EPG5: variants seen among roughly 807,000 people sequenced by gnomAD.
EPG5 encodes the protein ectopic P-granules 5 autophagy tethering factor.
A neutral mutation model predicts 302.7 loss-of-function variants in EPG5; 159 were observed. The observed-to-expected ratio is 0.53, with a 90% CI of 0.46 to 0.60. The LOEUF (loss-of-function observed/expected upper bound fraction) is 0.60, where lower values mean the gene tolerates loss of function less well. EPG5 is among the 20% of genes least tolerant of loss of function. The pLI, the probability that EPG5 is intolerant of heterozygous loss-of-function variation, is 0.00. For missense variants in EPG5, 2,896 were observed against 3,092.4 expected (o/e 0.94, Z 1.51); for synonymous variants, 1,158 against 1,136.8 (o/e 1.02, Z -0.37).
intron 14 of EPG5, among the ~76,000 whole-genome samples, chr18:45,924,923 G>A (rs1273624184): frequency 6.6e-6 from 1 of 152,140 alleles, no homozygotes; most frequent in African/African-American, 2.4e-5. Context: ...AGGTATACTC[G>A]TTAATATGAA....
At chr18:45,862,359 T>C (rs1396551115) in intron 39 of EPG5, among the ~76,000 whole-genome samples, 1 of 152,202 alleles carries the variant, frequency 6.6e-6, no homozygotes, top group Non-Finnish European at 1.5e-5. Context: ...CTTATCTTTT[T>C]AATTTTCACC....
In EPG5 at chr18:45,944,394, T is replaced by C. The variant is rs1309413915; in HGVS notation, c.1678-275A>G. ...CATTAAATGTCCATCCCAAAGAAAA[T>C]AGAAAAAAAGAAATCCTCTAGAGTG... On this transcript the variant is annotated intron_variant, in intron 7 of 43. Transcript: ENST00000282041. Among the ~76,000 whole-genome samples, 5 of 151,656 alleles carry C rather than the reference T, an allele frequency of 3.3e-5. No homozygotes were observed. In the South Asian group the frequency reaches 8.3e-4, roughly 25 times the overall value.
chr18:45,847,089 C>A (rs1016264628), downstream of EPG5, among the ~76,000 whole-genome samples: 3 of 152,178 alleles, frequency 2.0e-5, no homozygotes, highest in Non-Finnish European at 4.4e-5. Context: ...GGGAGACATA[C>A]CCCACTCCCA....
Position 45,907,959 on chromosome 18 carries a change from TG to T in EPG5, c.4327del (p.Gln1443ArgfsTer8). On this transcript the variant is annotated frameshift_variant and splice_region_variant, in exon 24 of 44. Transcript: ENST00000282041. LOFTEE classifies it high-confidence loss of function. ...AAAAAAGGAGGGCTATAATTTCACC[TG>T]CTGATTCTGCATCACTTTTGCTAGC... ...HRLAKVMQNQ[Q>X]DLWMEYLNME... 6.4e-7 allele frequency: 1 copy of T among 1,562,016 alleles called. No individual in the cohort carries two copies.
rs143545936 is a variant in EPG5 at position 45,955,899 on chromosome 18, A to G, written c.64-561T>C. ...AATTCTTCCATACAGGAAAATTCCA[A>G]TGAATAGAATTAACAGAAGGAATGA... On this transcript the variant is annotated intron_variant, in intron 1 of 43. Coordinates refer to ENST00000282041, the MANE Select transcript of EPG5 (RefSeq NM_020964.3). Among the ~76,000 whole-genome samples the G allele has an allele frequency of 2.1e-3, 322 of 152,354 alleles. 1 individual carries two copies. The highest frequency in any genetic ancestry group is 7.3e-3 in the African/African-American group (302 of 41,586).
intron 1 of EPG5, among the ~76,000 whole-genome samples, chr18:45,959,808 C>T (rs551748354): frequency 9.9e-5 from 15 of 151,858 alleles, no homozygotes; most frequent in Admixed American, 7.2e-4. Context: ...GGTGAAGCCC[C>T]ATCTTTACTA....
At chr18:45,836,978 G>T in the EPG5 span, 2 of 968,494 alleles carry the variant, frequency 2.1e-6, no homozygotes, top group South Asian at 1.3e-5. Context: ...CAACTTCTCT[G>T]AGCCTCAGTT....
the EPG5 span, among the ~76,000 whole-genome samples, chr18:45,833,149 A>G: frequency 2.6e-5 from 4 of 152,064 alleles, no homozygotes; most frequent in African/African-American, 4.8e-5. Flanking sequence ...GCATACAGGT[A>G]AAGGTAAAAA....
intron 23 of EPG5, among the ~76,000 whole-genome samples, chr18:45,910,301 C>G (rs1166605824): frequency 6.6e-6 from 1 of 152,202 alleles, no homozygotes; most frequent in Non-Finnish European, 1.5e-5. Context: ...GCTCAGACTA[C>G]AGGCACTCGA....
At chr18:45,815,742 A>G in the EPG5 span, among the ~76,000 whole-genome samples, 705 of 152,338 alleles carry the variant, frequency 4.6e-3, 7 homozygotes, top group African/African-American at 0.016. Flanking sequence ...ATTCAACACA[A>G]TTCACAACGA....
At chr18:45,864,984 T>C (rs1361061285) in intron 39 of EPG5, among the ~76,000 whole-genome samples, 3 of 152,188 alleles carry the variant, frequency 2.0e-5, no homozygotes, top group Non-Finnish European at 4.4e-5. Flanking sequence ...GGATTTCCTT[T>C]TAGGCTCCCA....
Position 45,948,549 on chromosome 18 carries a change from C to A in EPG5, c.1525G>T (p.Val509Phe), listed in dbSNP as rs764132273. The part of the protein sequence containing the change: ...QIKVLHNPSG[V>F]FHFMQSLALL... The stretch of plus-strand genomic sequence containing the variant: ...GCAAGGGATTGCATAAAATGAAAGA[C>A]CCCTGATGGGTTATGCAACACTTTG... Residue 509 changes from valine (V) to phenylalanine (F), a missense_variant, in exon 6 of 44, where the codon GTC becomes TTC. By Grantham distance (50) the Val-to-Phe change is conservative. Transcript: ENST00000282041. The A allele has an allele frequency of 1.9e-6, 3 of 1,613,924 alleles. No homozygotes were observed. In the South Asian group the frequency reaches 3.3e-5, roughly 18 times the overall value.
the EPG5 span, among the ~76,000 whole-genome samples, chr18:45,810,592 C>T: frequency 6.6e-6 from 1 of 152,130 alleles, no homozygotes; most frequent in Non-Finnish European, 1.5e-5. Flanking sequence ...GCTAGCCTGG[C>T]TAACATGGCA....
Position 45,922,224 on chromosome 18 carries a change from G to T in EPG5, c.3098+117C>A, listed in dbSNP as rs1075906. The T allele has an allele frequency of 0.52, 647,015 of 1,235,134 alleles. 173,499 individuals are homozygous for T. Among genetic ancestry groups the T allele is most frequent in the East Asian group, 0.56 (23,613 of 42,080 alleles). 76.5% of individuals were successfully genotyped at this position (1,235,134 alleles called of 1,614,324 possible). On this transcript the variant is annotated intron_variant, in intron 16 of 43. Coordinates refer to ENST00000282041, the MANE Select transcript of EPG5 (RefSeq NM_020964.3). Reference sequence around the variant, plus strand: ...AGCTGTTAATCAAGGATTATTATTTGGCCCAATTGCTCCGCAATAGGTTTG... The same window carrying T: ...AGCTGTTAATCAAGGATTATTATTTTGCCCAATTGCTCCGCAATAGGTTTG...
chr18:45,954,054 C>G, intron 2 of EPG5: 1 of 352,362 alleles, frequency 2.8e-6, no homozygotes, highest in Non-Finnish European at 4.0e-6. Context: ...TAGGATTCCT[C>G]ACACTAAAAT....
intron 29 of EPG5, among the ~76,000 whole-genome samples, chr18:45,886,510 C>A (rs1308204638): frequency 6.6e-6 from 1 of 152,176 alleles, no homozygotes; most frequent in Non-Finnish European, 1.5e-5. Context: ...AATATGTTTA[C>A]ATATACATAT....
the EPG5 span, among the ~76,000 whole-genome samples, chr18:45,822,248 C>T: frequency 6.6e-6 from 1 of 152,078 alleles, no homozygotes; most frequent in Non-Finnish European, 1.5e-5. Flanking sequence ...TTCGTGGCAA[C>T]ATAGATAGAC....
intron 12 of EPG5, among the ~76,000 whole-genome samples, chr18:45,930,148 T>C (rs1035336921): frequency 1.3e-5 from 2 of 152,212 alleles, no homozygotes; most frequent in African/African-American, 2.4e-5. Flanking sequence ...AGTGAAAAGA[T>C]GAAGAATGCA....
the EPG5 span, among the ~76,000 whole-genome samples, chr18:45,830,583 C>CTTTTTTTTTTTT: frequency 1.6e-4 from 15 of 96,704 alleles, no homozygotes; most frequent in Non-Finnish European, 1.7e-4. Flanking sequence ...ATTTTTCTTT[C>CTTTTTTTTTTTT]TTTTTTTTTT....
Sources: allele counts gnomAD v4.1 joint callset (sites outside exome capture counted in the v4.1 genomes callset), GRCh38; gene constraint gnomAD v4.1.1; transcripts MANE v1.5; gene names NCBI Gene and HGNC (gene_info 2026-07-23, HGNC 2026-07-21).